The following CDK19 variants were observed in gnomAD, a reference collection of about 807,000 sequenced individuals.
CDK19 encodes the protein cyclin dependent kinase 19.
Under a neutral mutation model 68.3 loss-of-function variants are expected in CDK19, and 20 were observed. The ratio of observed to expected loss-of-function variants is 0.29; its 90% CI spans 0.21 to 0.43. The LOEUF (loss-of-function observed/expected upper bound fraction) is 0.43, where lower values mean the gene tolerates loss of function less well. CDK19 is among the 20% of genes least tolerant of loss of function. CDK19 has a pLI of 1.00. For synonymous variants in CDK19, 221 were observed against 222.8 expected (o/e 0.99, Z 0.07); for missense variants, 339 against 623.5 (o/e 0.54, Z 4.86).
chr6:110,656,898 G>A (rs911965701), intron 4 of CDK19, among the ~76,000 whole-genome samples: 4 of 152,166 alleles, frequency 2.6e-5, no homozygotes, highest in Non-Finnish European at 5.9e-5. Flanking sequence ...AACATCCATG[G>A]TAGGAATAAT....
At chr6:110,810,681 G>A (rs1783017533) in intron 1 of CDK19, among the ~76,000 whole-genome samples, 1 of 151,974 alleles carries the variant, frequency 6.6e-6, no homozygotes, top group South Asian at 2.1e-4. Flanking sequence ...GGCTGAGGCA[G>A]GACAATCGCT....
chr6:110,650,030 A>G (rs1196875958), intron 4 of CDK19, among the ~76,000 whole-genome samples: 1 of 152,022 alleles, frequency 6.6e-6, no homozygotes, highest in Non-Finnish European at 1.5e-5. Flanking sequence ...GAGTCACACA[A>G]TGAATTTTAA....
chr6:110,769,606 A>G (rs1206039510), intron 1 of CDK19, among the ~76,000 whole-genome samples: 2 of 151,262 alleles, frequency 1.3e-5, no homozygotes, highest in Non-Finnish European at 2.9e-5. Flanking sequence ...AATAGGGAAA[A>G]CTGGGGAGCA....
chr6:110,743,645 CA>C (rs988106238), intron 2 of CDK19, among the ~76,000 whole-genome samples: 20 of 143,834 alleles, frequency 1.4e-4, no homozygotes, highest in East Asian at 2.0e-4. Flanking sequence ...CTGTCTCCTA[CA>C]AAAAAAAAAG....
chr6:110,808,280 C>G (rs976501691), intron 1 of CDK19, among the ~76,000 whole-genome samples: 1 of 152,150 alleles, frequency 6.6e-6, no homozygotes, highest in African/African-American at 2.4e-5. Flanking sequence ...GCATATTGGA[C>G]AGCACAGATG....
intron 4 of CDK19, among the ~76,000 whole-genome samples, chr6:110,649,185 A>C (rs1341078181): frequency 1.3e-5 from 2 of 152,238 alleles, no homozygotes; most frequent in African/African-American, 4.8e-5. Flanking sequence ...CTATGGAACA[A>C]ATTGATCAGT....
chr6:110,645,491 A>C (rs1188126868), intron 4 of CDK19, among the ~76,000 whole-genome samples: 10 of 152,228 alleles, frequency 6.6e-5, no homozygotes, highest in African/African-American at 9.6e-5. Context: ...GTGCTCAATA[A>C]GTTTAAAAAA....
At chr6:110,801,357 C>A (rs1047076826) in intron 1 of CDK19, among the ~76,000 whole-genome samples, 3 of 152,028 alleles carry the variant, frequency 2.0e-5, no homozygotes. Context: ...TAATGGTGTA[C>A]GCCTGTGGTC....
intron 1 of CDK19, chr6:110,773,733 T>C (rs1453403530): frequency 2.0e-5 from 3 of 152,202 alleles, no homozygotes. Flanking sequence ...GGTATTATCT[T>C]GGTTTTAAAT....
At chr6:110,793,124 G>A (rs1781709194) in intron 1 of CDK19, among the ~76,000 whole-genome samples, 1 of 152,098 alleles carries the variant, frequency 6.6e-6, no homozygotes, top group South Asian at 2.1e-4. Context: ...TAGGAATCAG[G>A]AGCAAAAATC....
At chr6:110,681,212 A>T (rs1213590957) in intron 2 of CDK19, among the ~76,000 whole-genome samples, 5 of 151,346 alleles carry the variant, frequency 3.3e-5, no homozygotes, top group Non-Finnish European at 7.4e-5. Flanking sequence ...CGAGCGTGGT[A>T]CCGCATGCCT....
chr6:110,745,198 G>A (rs1007502999), intron 2 of CDK19, among the ~76,000 whole-genome samples: 8 of 152,058 alleles, frequency 5.3e-5, no homozygotes, highest in African/African-American at 1.9e-4. Context: ...TCTGTAAAAT[G>A]GGGATATTAA....
intron 1 of CDK19, among the ~76,000 whole-genome samples, chr6:110,795,588 A>G (rs534809271): frequency 4.9e-4 from 75 of 152,346 alleles, no homozygotes; most frequent in African/African-American, 1.8e-3. Context: ...ACTATATATG[A>G]AAAAATTAGG....
In CDK19 at chr6:110,612,005, C is replaced by T. The variant is rs541436459; in HGVS notation, c.*2530G>A. The T allele has an allele frequency of 6.6e-6, 1 of 152,074 alleles. No individual in the cohort carries two copies. Among genetic ancestry groups the T allele is most frequent in the African/African-American group, 2.4e-5 (1 of 41,384 alleles). 9.4% of individuals were successfully genotyped at this position (152,074 alleles called of 1,614,324 possible). A position where few individuals can be genotyped will look rare whatever the true frequency, so the allele number is the denominator to read the frequency against. ...ATACTGGGAGCAACTGACGAAATCC[C>T]CTTACAGTTTATATTTCAGTTCTGC... On this transcript the variant is annotated 3_prime_UTR_variant, in exon 13 of 13. Transcript: ENST00000368911.
chr6:110,777,230 T>A lies in CDK19; in HGVS notation c.129-31029A>T, dbSNP rs923520028. Among the ~76,000 whole-genome samples the A allele has an allele frequency of 2.0e-5, 3 of 152,330 alleles. No homozygotes were observed. In the East Asian group the frequency reaches 5.8e-4, roughly 29 times the overall value. On this transcript the variant is annotated intron_variant, in intron 1 of 12. Coordinates refer to ENST00000368911, the MANE Select transcript of CDK19 (RefSeq NM_015076.5). ...ATGTAACAAAATGAGAAATGTGATATGAAACTAAAAGAATTAGAACTTTTT... is the reference window on the plus strand; with the variant it reads ...ATGTAACAAAATGAGAAATGTGATAAGAAACTAAAAGAATTAGAACTTTTT...
chr6:110,704,166 A>G (rs1013398230), intron 2 of CDK19, among the ~76,000 whole-genome samples: 29 of 152,336 alleles, frequency 1.9e-4, no homozygotes, highest in Non-Finnish European at 3.2e-4. Flanking sequence ...GTCAAGACAG[A>G]TAACTCCAAA....
chr6:110,749,333 T>C (rs115288330), intron 1 of CDK19, among the ~76,000 whole-genome samples: 1 of 152,144 alleles, frequency 6.6e-6, no homozygotes, highest in East Asian at 1.9e-4. Context: ...ACAAATAAAT[T>C]TGACACAGAC....
In CDK19 at chr6:110,719,977, C is replaced by A. The variant is rs1256669390; in HGVS notation, c.204+26149G>T. On this transcript the variant is annotated intron_variant, in intron 2 of 12. Coordinates refer to ENST00000368911, the MANE Select transcript of CDK19 (RefSeq NM_015076.5). Reference sequence around the variant, plus strand: ...AACTCCTGACCTTGTGATCCGCCCCCCCCCCCCCACCCCCCCCCTGCTTCG... The same window carrying A: ...AACTCCTGACCTTGTGATCCGCCCCACCCCCCCCACCCCCCCCCTGCTTCG... Among the ~76,000 whole-genome samples, 7 of 93,700 alleles carry A rather than the reference C, an allele frequency of 7.5e-5. 1 individual carries two copies. Among genetic ancestry groups the A allele is most frequent in the Non-Finnish European group, 1.1e-4 (5 of 44,640 alleles). 61.5% of individuals were successfully genotyped at this position (93,700 alleles called of 152,430 possible).
At chr6:110,619,482 AG>A (rs918495543) in intron 12 of CDK19, among the ~76,000 whole-genome samples, 3 of 151,694 alleles carry the variant, frequency 2.0e-5, no homozygotes, top group African/African-American at 4.8e-5. Context: ...AAGAGGCTGG[AG>A]GGAAGTTTTA....
Sources: allele counts gnomAD v4.1 joint callset (sites outside exome capture counted in the v4.1 genomes callset), GRCh38; gene constraint gnomAD v4.1.1; transcripts MANE v1.5; gene names NCBI Gene and HGNC (gene_info 2026-07-23, HGNC 2026-07-21).